Variants in SNX13 observed in about 807,000 individuals in gnomAD.
The protein encoded by SNX13 is sorting nexin 13.
A neutral mutation model predicts 133.6 loss-of-function variants in SNX13; 45 were observed. That is an observed-to-expected ratio of 0.34 (90% CI 0.27 to 0.43). SNX13 has a LOEUF of 0.43. Ranked by LOEUF, SNX13 falls within the 20% of genes least tolerant of loss-of-function variation. The pLI, the probability that SNX13 is intolerant of heterozygous loss-of-function variation, is 1.00. For missense variants in SNX13, 1,032 were observed against 1,145.1 expected (o/e 0.90, Z 1.43); for synonymous variants, 414 against 373.9 (o/e 1.11, Z -1.24).
intron 1 of SNX13, among the ~76,000 whole-genome samples, chr7:17,918,677 T>C (rs73069221): frequency 0.011 from 1,603 of 152,318 alleles, 12 homozygotes; most frequent in Non-Finnish European, 0.017. Context: ...GTTCAGCCCC[T>C]GTAGAAAGCA....
In SNX13 at chr7:17,903,306, A is replaced by C. The variant is rs910782148; in HGVS notation, c.13-5860T>G. ...TAACAAGCTACCAAAACTGTTTAGA[A>C]GGAAGGACAATTATATATTTATAAT... is the stretch of plus-strand genomic sequence containing the variant. On this transcript the variant is annotated intron_variant, in intron 1 of 25. Coordinates refer to ENST00000428135, the MANE Select transcript of SNX13 (RefSeq NM_015132.5). Among the ~76,000 whole-genome samples the C allele has an allele frequency of 3.5e-4, 53 of 152,236 alleles. 1 individual carries two copies. Among genetic ancestry groups the C allele is most frequent in the African/African-American group, 1.2e-3 (51 of 41,460 alleles).
chr7:17,877,045 G>GAAAAAAAAAAA (rs57618763), intron 5 of SNX13, among the ~76,000 whole-genome samples: 2 of 60,070 alleles, frequency 3.3e-5, no homozygotes, highest in East Asian at 4.3e-4. Context: ...GTTACTTTTT[G>GAAAAAAAAAAA]AAAAAAAAAA....
chr7:17,907,837 G>C (rs146431677), intron 1 of SNX13, among the ~76,000 whole-genome samples: 1 of 152,126 alleles, frequency 6.6e-6, no homozygotes, highest in African/African-American at 2.4e-5. Context: ...AAGAAAGCTT[G>C]CAATTCCCAG....
At chr7:17,830,089 T>C in intron 15 of SNX13, 42 bp from the exon 16 acceptor site, 3 of 1,447,602 alleles carry the variant, frequency 2.1e-6, no homozygotes, top group Non-Finnish European at 2.8e-6. Context: ...CAAAAAACTT[T>C]AAAACGGTTG....
chr7:17,822,847 C>T (rs1787453120), intron 17 of SNX13, among the ~76,000 whole-genome samples: 1 of 152,180 alleles, frequency 6.6e-6, no homozygotes, highest in South Asian at 2.1e-4. Context: ...TCTTGCAGTA[C>T]ATAATCACTT....
intron 1 of SNX13, among the ~76,000 whole-genome samples, chr7:17,921,232 C>T (rs1021579330): frequency 1.3e-5 from 2 of 152,200 alleles, no homozygotes; most frequent in Non-Finnish European, 2.9e-5. Flanking sequence ...TTGGGCACTA[C>T]AGGACTGCTG....
At chr7:17,827,084 C>A (rs1247055839) in intron 16 of SNX13, among the ~76,000 whole-genome samples, 1 of 151,990 alleles carries the variant, frequency 6.6e-6, no homozygotes, top group Non-Finnish European at 1.5e-5. Flanking sequence ...ATATAATCTG[C>A]CTCCAATAAA....
At chr7:17,881,200 T>G (rs1246685136) in intron 5 of SNX13, 1 of 151,208 alleles carries the variant, frequency 6.6e-6, no homozygotes, top group Non-Finnish European at 1.5e-5. Flanking sequence ...TACTATATAC[T>G]GCATAATGTG....
intron 9 of SNX13, among the ~76,000 whole-genome samples, chr7:17,853,566 C>A (rs1791503034): frequency 6.6e-6 from 1 of 152,160 alleles, no homozygotes; most frequent in South Asian, 2.1e-4. Flanking sequence ...TACAGCAATT[C>A]TACATCAATG....
At chr7:17,930,982 C>T (rs1335890598) in intron 1 of SNX13, among the ~76,000 whole-genome samples, 3 of 152,134 alleles carry the variant, frequency 2.0e-5, no homozygotes, top group Non-Finnish European at 2.9e-5. Flanking sequence ...AACAGCCGTC[C>T]GTGGAAAAAC....
intron 5 of SNX13, chr7:17,881,804 G>T (rs962495286): frequency 6.6e-6 from 1 of 151,918 alleles, no homozygotes; most frequent in Non-Finnish European, 1.5e-5. Context: ...CTTTGTTAAC[G>T]GTGTCAAAAA....
At chr7:17,932,502 T>C (rs1033689916) in intron 1 of SNX13, among the ~76,000 whole-genome samples, 1 of 152,212 alleles carries the variant, frequency 6.6e-6, no homozygotes, top group Non-Finnish European at 1.5e-5. Context: ...TTAATCTTAA[T>C]TTTTCTTGAG....
At chr7:17,820,569 TTC>T (rs1787180026) in intron 18 of SNX13, among the ~76,000 whole-genome samples, 1 of 152,124 alleles carries the variant, frequency 6.6e-6, no homozygotes, top group African/African-American at 2.4e-5. Context: ...CAACATTAAC[TTC>T]TTTTTCATCA....
intron 8 of SNX13, among the ~76,000 whole-genome samples, chr7:17,870,330 C>G (rs528041146): frequency 2.6e-5 from 4 of 152,088 alleles, no homozygotes; most frequent in Non-Finnish European, 5.9e-5. Context: ...AAAACTCTTT[C>G]GTCTGTTATT....
In SNX13 at chr7:17,850,810, TA is replaced by T. The variant is rs1328733622; in HGVS notation, c.976+15del. The T allele has an allele frequency of 6.6e-7, 1 of 1,522,370 alleles. No individual in the cohort carries two copies. The highest frequency in any genetic ancestry group is 8.8e-7 in the Non-Finnish European group (1 of 1,139,614). 94.3% of individuals were successfully genotyped at this position (1,522,370 alleles called of 1,614,324 possible). On this transcript the variant is annotated intron_variant, in intron 10 of 25. Transcript: ENST00000428135. ...TACTTCAAAAAAATATATCTTAAATTAAATACATTACTTACCATCACCAGCT... is the reference window on the plus strand; with the variant it reads ...TACTTCAAAAAAATATATCTTAAATTAATACATTACTTACCATCACCAGCT...
chr7:17,830,309 G>C (rs1788348053), intron 15 of SNX13: 1 of 984,124 alleles, frequency 1.0e-6, no homozygotes, highest in Non-Finnish European at 1.2e-6. Context: ...GTGTTCAGGA[G>C]AGTAATTATT....
chr7:17,845,785 A>C, intron 11 of SNX13, 91 bp from the exon 12 acceptor site: 5 of 834,856 alleles, frequency 6.0e-6, no homozygotes, highest in South Asian at 2.1e-5. Context: ...AATCAAGCTA[A>C]AACGGAGTAA....
intron 24 of SNX13, among the ~76,000 whole-genome samples, 198 bp from the exon 25 acceptor site, chr7:17,797,137 G>A (rs955533826): frequency 5.3e-4 from 80 of 151,562 alleles, no homozygotes; most frequent in African/African-American, 1.7e-3. Context: ...CAAAAAAAAC[G>A]AACACAAGAA....
chr7:17,883,938 T>G (rs1795669670), intron 5 of SNX13, among the ~76,000 whole-genome samples: 1 of 152,200 alleles, frequency 6.6e-6, no homozygotes, highest in African/African-American at 2.4e-5. Context: ...TGGACAGTTA[T>G]GCTCATTTAT....
Sources: allele counts gnomAD v4.1 joint callset (sites outside exome capture counted in the v4.1 genomes callset), GRCh38; gene constraint gnomAD v4.1.1; transcripts MANE v1.5; gene names NCBI Gene and HGNC (gene_info 2026-07-23, HGNC 2026-07-21).